The following TMOD2 variants were observed in gnomAD, a reference collection of about 807,000 sequenced individuals.
TMOD2 encodes the protein tropomodulin 2.
In TMOD2, 22 loss-of-function variants were observed where a neutral mutation model predicts 39.9. That is an observed-to-expected ratio of 0.55 (90% CI 0.39 to 0.79). The LOEUF is 0.79. Ranked by LOEUF, TMOD2 falls within the 30% of genes least tolerant of loss-of-function variation. The probability of loss-of-function intolerance (pLI) is 0.00; values close to 1 mark genes in which losing one functional copy is unlikely to be tolerated. For synonymous variants in TMOD2, 123 were observed against 146.1 expected (o/e 0.84, Z 1.14); for missense variants, 386 against 413.3 (o/e 0.93, Z 0.57).
intron 6 of TMOD2, among the ~76,000 whole-genome samples, chr15:51,782,461 G>A (rs1319282772): frequency 6.6e-6 from 1 of 152,216 alleles, no homozygotes; most frequent in Non-Finnish European, 1.5e-5. Context: ...TATAGTATCT[G>A]CATACTTTCT....
intron 3 of TMOD2, among the ~76,000 whole-genome samples, chr15:51,770,927 G>T (rs2055849775): frequency 6.6e-6 from 1 of 152,190 alleles, no homozygotes. Flanking sequence ...TAATTTAATT[G>T]TGAAAAAAAT....
chr15:51,764,833 A>G (rs1462860759), intron 1 of TMOD2, among the ~76,000 whole-genome samples: 2 of 152,100 alleles, frequency 1.3e-5, no homozygotes, highest in African/African-American at 4.8e-5. Flanking sequence ...CAATGTTCAA[A>G]CACAGCCTCT....
chr15:51,764,141 T>C (rs769949824), intron 1 of TMOD2, among the ~76,000 whole-genome samples: 4 of 151,926 alleles, frequency 2.6e-5, no homozygotes, highest in Non-Finnish European at 5.9e-5. Flanking sequence ...AATTAAAAAT[T>C]AGCTAGGCAT....
At chr15:51,783,518 T>C (rs1356340316) in intron 7 of TMOD2, 1 of 151,988 alleles carries the variant, frequency 6.6e-6, no homozygotes, top group Non-Finnish European at 1.5e-5. Context: ...TTTTAATCTT[T>C]GAAATGGATT....
chr15:51,790,177 A>G (rs559422142), intron 7 of TMOD2, among the ~76,000 whole-genome samples: 6 of 152,332 alleles, frequency 3.9e-5, no homozygotes, highest in African/African-American at 1.4e-4. Flanking sequence ...AGGGGATATC[A>G]CCACTGATCC....
At chr15:51,806,318 A>C in intron 8 of TMOD2, 59 bp from the exon 9 acceptor site, 1 of 1,596,022 alleles carries the variant, frequency 6.3e-7, no homozygotes, top group Non-Finnish European at 8.6e-7. Flanking sequence ...TTCCTGTGCA[A>C]GTAACTGTTT....
At chr15:51,755,672 GT>G (rs1212717095) in intron 1 of TMOD2, among the ~76,000 whole-genome samples, 1 of 152,152 alleles carries the variant, frequency 6.6e-6, no homozygotes, top group African/African-American at 2.4e-5. Flanking sequence ...TGTCCTCATT[GT>G]TGATAAACAA....
intron 7 of TMOD2, among the ~76,000 whole-genome samples, chr15:51,791,009 A>G (rs757270810): frequency 1.3e-5 from 2 of 152,216 alleles, no homozygotes; most frequent in African/African-American, 2.4e-5. Context: ...GGCCAGGACA[A>G]TCAGGCAACA....
chr15:51,794,117 T>C (rs2056031370), intron 7 of TMOD2, among the ~76,000 whole-genome samples: 1 of 152,196 alleles, frequency 6.6e-6, no homozygotes, highest in African/African-American at 2.4e-5. Flanking sequence ...TCTGGAGATA[T>C]TTCTGGTTGT....
intron 4 of TMOD2, among the ~76,000 whole-genome samples, chr15:51,776,152 C>T (rs2055888007): frequency 6.6e-6 from 1 of 152,164 alleles, no homozygotes; most frequent in African/African-American, 2.4e-5. Flanking sequence ...AGCTGCCTCC[C>T]TCCTTCAATA....
At chr15:51,767,070 G>A (rs2141617416) in intron 2 of TMOD2, 1 of 151,476 alleles carries the variant, frequency 6.6e-6, no homozygotes, top group East Asian at 1.9e-4. Context: ...CTGTCACCCA[G>A]GCTGGAGTGC....
intron 1 of TMOD2, chr15:51,756,486 T>C (rs2055742656): frequency 1.3e-5 from 2 of 152,242 alleles, no homozygotes; most frequent in Non-Finnish European, 2.9e-5. Context: ...TACTGTTCTT[T>C]GCATGTTTTA....
intron 7 of TMOD2, among the ~76,000 whole-genome samples, chr15:51,785,279 G>T (rs2055960745): frequency 6.6e-6 from 1 of 151,940 alleles, no homozygotes; most frequent in South Asian, 2.1e-4. Context: ...GGGCGCGGTG[G>T]CGGGCGCCTG....
Position 51,782,736 on chromosome 15 carries a change from A to G in TMOD2, c.640A>G (p.Thr214Ala), listed in dbSNP as rs2055939581. The G allele has an allele frequency of 1.2e-6, 2 of 1,613,828 alleles. No homozygotes were observed. Among genetic ancestry groups the G allele is most frequent in the Non-Finnish European group, 1.7e-6 (2 of 1,179,798 alleles). Reference sequence around the variant, plus strand: ...TCTGTCTTAGAACATTCCAATTCCAACCCTGAGGGAATTTGCAAAGGCTCT... The same window carrying G: ...TCTGTCTTAGAACATTCCAATTCCAGCCCTGAGGGAATTTGCAAAGGCTCT... The part of the protein sequence containing the change: ...LNNIKNIPIP[T>A]LREFAKALET... The change falls in exon 7 of 10, where the codon ACC becomes GCC. Residue 214 changes from threonine (T) to alanine (A), a missense_variant. Thr to Ala is a moderately conservative substitution (Grantham distance 58). Coordinates refer to ENST00000249700, the MANE Select transcript of TMOD2 (RefSeq NM_014548.4).
Position 51,766,368 on chromosome 15 carries a change from A to G in TMOD2, c.-69-5A>G, listed in dbSNP as rs2055816248. The G allele has an allele frequency of 7.3e-7, 1 of 1,377,642 alleles. No individual in the cohort carries two copies. Among genetic ancestry groups the G allele is most frequent in the African/African-American group, 1.5e-5 (1 of 68,610 alleles). The allele number at this position is 1,377,642 out of a possible 1,614,324, so 85.3% of individuals were successfully genotyped here. On this transcript the variant is annotated splice_polypyrimidine_tract_variant and splice_region_variant and intron_variant, in intron 1 of 9. Coordinates refer to ENST00000249700, the MANE Select transcript of TMOD2 (RefSeq NM_014548.4). The stretch of plus-strand genomic sequence containing the variant: ...TTTTTTATTGTGTTTCTTTTTTATT[A>G]ACAGTATTCTGAAGTCTCAGGAAAC...
intron 8 of TMOD2, among the ~76,000 whole-genome samples, chr15:51,798,897 G>C (rs1027584741): frequency 6.6e-6 from 1 of 152,224 alleles, no homozygotes; most frequent in Non-Finnish European, 1.5e-5. Context: ...GCTTAGAGTA[G>C]CAGGCCACAC....
At chr15:51,767,855 G>C (rs1451812413) in intron 2 of TMOD2, among the ~76,000 whole-genome samples, 2 of 152,322 alleles carry the variant, frequency 1.3e-5, no homozygotes, top group East Asian at 3.9e-4. Context: ...TTACTTATCA[G>C]CTTTACTGCT....
At chr15:51,791,438 A>AT (rs1359669386) in intron 7 of TMOD2, among the ~76,000 whole-genome samples, 2 of 152,350 alleles carry the variant, frequency 1.3e-5, no homozygotes, top group African/African-American at 4.8e-5. Context: ...GCCCAAAGTA[A>AT]TTTGTAGATT....
In TMOD2 at chr15:51,792,547, A is replaced by G. The variant is rs539025798; in HGVS notation, c.733-5650A>G. Among the ~76,000 whole-genome samples, 11 of 152,336 alleles carry G rather than the reference A, an allele frequency of 7.2e-5. No individual in the cohort carries two copies. The East Asian group carries it at 1.9e-3, about 27-fold the overall frequency. On this transcript the variant is annotated intron_variant, in intron 7 of 9. Coordinates refer to ENST00000249700, the MANE Select transcript of TMOD2 (RefSeq NM_014548.4). ...CCAAAGGATTATAAATCATTCTACTATAAAGACACATGCACACATATGTTT... is the reference window on the plus strand; with the variant it reads ...CCAAAGGATTATAAATCATTCTACTGTAAAGACACATGCACACATATGTTT...
Sources: allele counts gnomAD v4.1 joint callset (sites outside exome capture counted in the v4.1 genomes callset), GRCh38; gene constraint gnomAD v4.1.1; transcripts MANE v1.5; gene names NCBI Gene and HGNC (gene_info 2026-07-23, HGNC 2026-07-21).